The following ZNF566 variants were observed in gnomAD, a reference collection of about 807,000 sequenced individuals.
ZNF566 encodes zinc finger protein 566.
ZNF566 carries 27 observed loss-of-function variants against 32.8 expected under a neutral mutation model. The ratio of observed to expected loss-of-function variants is 0.82; its 90% CI spans 0.61 to 1.14. The LOEUF (loss-of-function observed/expected upper bound fraction) is 1.14, where lower values mean the gene tolerates loss of function less well. ZNF566 is among the 50% of genes most tolerant of loss of function. The probability of loss-of-function intolerance (pLI) is 0.00; values close to 1 mark genes in which losing one functional copy is unlikely to be tolerated. For missense variants in ZNF566, 402 were observed against 490.4 expected, an observed-to-expected ratio of 0.82 and a Z score of 1.70; for synonymous variants, 154 against 159.5, an observed-to-expected ratio of 0.97 and a Z score of 0.26.
intron 4 of ZNF566, among the ~76,000 whole-genome samples, chr19:36,457,323 T>C (rs2033341918): frequency 1.3e-5 from 2 of 152,148 alleles, no homozygotes; most frequent in South Asian, 4.2e-4. Context: ...TAGAAAAATA[T>C]GATTACATCA....
chr19:36,459,290 T>C (rs1471940431), intron 4 of ZNF566, among the ~76,000 whole-genome samples: 2 of 151,812 alleles, frequency 1.3e-5, no homozygotes, highest in African/African-American at 4.8e-5. Flanking sequence ...CTGAGCAATA[T>C]ATATGAGGAA....
chr19:36,459,213 A>G (rs762177175), intron 4 of ZNF566, among the ~76,000 whole-genome samples: 9 of 152,246 alleles, frequency 5.9e-5, no homozygotes, highest in Non-Finnish European at 1.3e-4. Flanking sequence ...GCAATGATAT[A>G]GAACCCTAAT....
chr19:36,473,220 G>A (rs938871645), intron 3 of ZNF566, 112 bp downstream of exon 3: 1 of 1,327,314 alleles, frequency 7.5e-7, no homozygotes, highest in Non-Finnish European at 1.1e-6. Flanking sequence ...CATTCCTGTG[G>A]AACAGGATAT....
In ZNF566 at chr19:36,448,894, A is replaced by G. The variant is rs2945986; in HGVS notation, c.*83T>C. 7.6e-3 allele frequency: 8,889 copies of G among 1,164,400 alleles called. 497 individuals carry two copies. In the African/African-American group the frequency reaches 0.12, roughly 16 times the overall value. 72.1% of individuals were successfully genotyped at this position (1,164,400 alleles called of 1,614,324 possible). A position where few individuals can be genotyped will look rare whatever the true frequency, so the allele number is the denominator to read the frequency against. ...AAATAAAATGTTTCTACATTATTCT[A>G]TCTAGAGGAATTATTAACAAGATAA... On this transcript the variant is annotated 3_prime_UTR_variant, in exon 5 of 5. Coordinates refer to ENST00000452939, the MANE Select transcript of ZNF566 (RefSeq NM_001145344.1).
At chr19:36,450,155 T>C (rs2033115761) in intron 4 of ZNF566, among the ~76,000 whole-genome samples, 154 bp from the exon 5 acceptor site, 1 of 152,132 alleles carries the variant, frequency 6.6e-6, no homozygotes. Context: ...ATGAGGGTAG[T>C]GATTAGGAAA....
intron 2 of ZNF566, 195 bp downstream of exon 2, chr19:36,476,352 CAA>C: frequency 2.4e-6 from 1 of 408,348 alleles, no homozygotes; most frequent in African/African-American, 2.5e-5. Context: ...ATTATGTAAT[CAA>C]TTCTTTTTTT....
At chr19:36,486,671 C>CAAAAAAAAAAAAAAAAAAAAAAAAA (rs759281599) in intron 1 of ZNF566, among the ~76,000 whole-genome samples, 1 of 80,940 alleles carries the variant, frequency 1.2e-5, no homozygotes, top group Non-Finnish European at 2.4e-5. Flanking sequence ...AACTCTGTCT[C>CAAAAAAAAAAAAAAAAAAAAAAAAA]AAAAAAAAAA....
rs2145623036 is a variant in ZNF566 at position 36,446,360 on chromosome 19, C to G, written c.*2617G>C. The G allele has an allele frequency of 6.6e-6, 1 of 151,718 alleles. No homozygotes were observed. Among genetic ancestry groups the G allele is most frequent in the East Asian group, 1.9e-4 (1 of 5,164 alleles). The allele number at this position is 151,718 out of a possible 1,614,324, so 9.4% of individuals were successfully genotyped here. On this transcript the variant is annotated 3_prime_UTR_variant, in exon 5 of 5. Coordinates refer to ENST00000452939, the MANE Select transcript of ZNF566 (RefSeq NM_001145344.1). ...GATCTCAGCTCACTGCAACCTCCGC[C>G]TCCCGGGTTCAAGCGATTCTCCTGC...
rs991362195 is a variant in ZNF566, at chr19:36,462,317, G to C, written c.232+10594C>G. ...TTTGGGTTTTTTGAACTTGAACATAGGTTGCTTTTTTGAACTTGTTCCTTT... is the reference window on the plus strand; with the variant it reads ...TTTGGGTTTTTTGAACTTGAACATACGTTGCTTTTTTGAACTTGTTCCTTT... On this transcript the variant is annotated intron_variant, in intron 4 of 4. Transcript: ENST00000452939. Among the ~76,000 whole-genome samples the C allele has an allele frequency of 3.9e-5, 6 of 152,140 alleles. No individual in the cohort carries two copies. In the South Asian group the frequency reaches 1.2e-3, roughly 32 times the overall value.
In ZNF566 at chr19:36,455,605, T is replaced by C. The variant is rs1207291664; in HGVS notation, c.233-5604A>G. Among the ~76,000 whole-genome samples the C allele has an allele frequency of 2.6e-5, 4 of 151,812 alleles. No homozygotes were observed. The East Asian group carries it at 5.8e-4, about 22-fold the overall frequency. On this transcript the variant is annotated intron_variant, in intron 4 of 4. Coordinates refer to ENST00000452939, the MANE Select transcript of ZNF566 (RefSeq NM_001145344.1). ...AAAAATACAAAAATTAGCCGGGCAA[T>C]GGTGGGCACCTGTAATCCCAGTTAC... is the stretch of plus-strand genomic sequence containing the variant.
intron 2 of ZNF566, among the ~76,000 whole-genome samples, chr19:36,475,479 T>C (rs2033862329): frequency 6.6e-6 from 1 of 152,162 alleles, no homozygotes; most frequent in South Asian, 2.1e-4. Flanking sequence ...AACCACAGCA[T>C]GTATTTTCTT....
intron 4 of ZNF566, among the ~76,000 whole-genome samples, chr19:36,463,818 C>T (rs983680254): frequency 9.2e-5 from 14 of 151,726 alleles, no homozygotes; most frequent in Admixed American, 5.9e-4. Context: ...CTCCACCTCC[C>T]GGGTTCAAGC....
intron 4 of ZNF566, among the ~76,000 whole-genome samples, chr19:36,461,081 A>G (rs760235680): frequency 7.2e-5 from 11 of 152,178 alleles, no homozygotes; most frequent in Admixed American, 2.0e-4. Context: ...TGGTTAGTAA[A>G]AGAGCTTGTA....
chr19:36,482,826 G>A (rs988318974), intron 1 of ZNF566, among the ~76,000 whole-genome samples: 3 of 152,188 alleles, frequency 2.0e-5, no homozygotes, highest in Non-Finnish European at 2.9e-5. Flanking sequence ...CTTGCAAGAA[G>A]AGGTACTAAG....
intron 1 of ZNF566, chr19:36,489,275 G>C (rs972107832): frequency 1.5e-5 from 3 of 198,724 alleles, no homozygotes; most frequent in Non-Finnish European, 3.1e-5. Flanking sequence ...ACACACACCA[G>C]CAGCCACAGT....
chr19:36,453,207 G>A (rs1268035797), intron 4 of ZNF566, among the ~76,000 whole-genome samples: 1 of 151,882 alleles, frequency 6.6e-6, no homozygotes, highest in Non-Finnish European at 1.5e-5. Flanking sequence ...GGCGCTGGTG[G>A]CTCACATGTG....
intron 1 of ZNF566, among the ~76,000 whole-genome samples, chr19:36,483,312 C>T (rs1600181411): frequency 6.6e-6 from 1 of 152,132 alleles, no homozygotes; most frequent in Non-Finnish European, 1.5e-5. Flanking sequence ...TATTTTCTCA[C>T]TCTCTCCACT....
rs2033009872 is a variant in ZNF566, at chr19:36,446,972, G to C, written c.*2005C>G. 6.6e-6 allele frequency: 1 copy of C among 151,758 alleles called. No homozygotes were observed. The highest frequency in any genetic ancestry group is 1.5e-5 in the Non-Finnish European group (1 of 68,058). 9.4% of individuals were successfully genotyped at this position (151,758 alleles called of 1,614,324 possible). On this transcript the variant is annotated 3_prime_UTR_variant, in exon 5 of 5. Coordinates refer to ENST00000452939, the MANE Select transcript of ZNF566 (RefSeq NM_001145344.1). ...TGAGCATGTTTTGAGCACAGGGAAG[G>C]CCCATTTCAAAACACTAACTTAACC...
chr19:36,455,625 A>G (rs770675641), intron 4 of ZNF566, among the ~76,000 whole-genome samples: 2 of 152,092 alleles, frequency 1.3e-5, no homozygotes, highest in Non-Finnish European at 2.9e-5. Flanking sequence ...CTGTAATCCC[A>G]GTTACTCAGG....
Sources: gnomAD v4.1 joint callset for allele counts (sites outside exome capture counted in the v4.1 genomes callset) on GRCh38, gnomAD v4.1.1 for gene constraint, MANE v1.5 for transcripts, NCBI Gene and HGNC (gene_info 2026-07-23, HGNC 2026-07-21) for gene names.